DAB1: variants seen among roughly 807,000 people sequenced by gnomAD.
DAB1 encodes DAB adaptor protein 1, also known as disabled homolog 1.
In DAB1, 15 loss-of-function variants were observed where a neutral mutation model predicts 64.6. The observed-to-expected ratio is 0.23, with a 90% CI of 0.16 to 0.36. The LOEUF is 0.36. DAB1 is among the 10% of genes least tolerant of loss of function. DAB1 has a pLI of 1.00. For missense variants in DAB1, 596 were observed against 706.7 expected (o/e 0.84, Z 1.78); for synonymous variants, 235 against 251.9 (o/e 0.93, Z 0.64).
chr1:57,657,352 C>T (rs1413272809), intron 6 of DAB1, among the ~76,000 whole-genome samples: 1 of 152,206 alleles, frequency 6.6e-6, no homozygotes, highest in Non-Finnish European at 1.5e-5. Context: ...TACATTCAAT[C>T]ATAGCAAAGG....
At chr1:58,324,255 GT>G (rs2100488733) in intron 4 of DAB1, among the ~76,000 whole-genome samples, 1 of 152,294 alleles carries the variant, frequency 6.6e-6, no homozygotes, top group East Asian at 1.9e-4. Context: ...TAGAGATACA[GT>G]AGATGTTCAG....
rs1321341413 is a variant in DAB1 at position 57,897,660 on chromosome 1, A to G, written n.388-13498T>C. Among the ~76,000 whole-genome samples, 7 of 152,158 alleles carry G rather than the reference A, an allele frequency of 4.6e-5. No homozygotes were observed. In the East Asian group the frequency reaches 1.4e-3, roughly 29 times the overall value. On this transcript the variant is annotated intron_variant and non_coding_transcript_variant, in intron 5 of 20. Transcript: ENST00000485760. ...CCAATATTTTTGAAGGGATAGGAAA[A>G]TGGCAAGGAAACGCAGCTTGGGATG... is the stretch of plus-strand genomic sequence containing the variant.
At chr1:57,802,155 A>T (rs1227145328) in intron 6 of DAB1, among the ~76,000 whole-genome samples, 6 of 152,214 alleles carry the variant, frequency 3.9e-5, no homozygotes, top group Non-Finnish European at 8.8e-5. Context: ...GGTCACACCC[A>T]TTCCTAAGAA....
intron 6 of DAB1, among the ~76,000 whole-genome samples, chr1:57,693,280 G>A (rs937638705): frequency 1.3e-5 from 2 of 152,112 alleles, no homozygotes; most frequent in Non-Finnish European, 2.9e-5. Context: ...GTTTAGAGGG[G>A]GGATTAAGAG....
intron 6 of DAB1, among the ~76,000 whole-genome samples, chr1:57,667,152 G>A (rs1290004073): frequency 3.9e-5 from 6 of 152,194 alleles, no homozygotes; most frequent in African/African-American, 1.4e-4. Flanking sequence ...AATTCTTCCA[G>A]ATAGTGTGTG....
At chr1:57,140,938 T>C (rs142565864) in intron 3 of DAB1, among the ~76,000 whole-genome samples, 1 of 152,258 alleles carries the variant, frequency 6.6e-6, no homozygotes, top group Non-Finnish European at 1.5e-5. Flanking sequence ...ATGTATGATG[T>C]ACATGAAAGG....
At chr1:57,001,927 G>A (rs1294628537) in intron 14 of DAB1, among the ~76,000 whole-genome samples, 1 of 152,110 alleles carries the variant, frequency 6.6e-6, no homozygotes, top group Non-Finnish European at 1.5e-5. Flanking sequence ...GCATCTCCTA[G>A]CATGTTCTAC....
At chr1:58,096,873 C>T (rs1255550162) in intron 5 of DAB1, among the ~76,000 whole-genome samples, 1 of 152,216 alleles carries the variant, frequency 6.6e-6, no homozygotes, top group Non-Finnish European at 1.5e-5. Flanking sequence ...GGCTGACTGG[C>T]CAGCCTTCTC....
At chr1:58,349,026 C>A (rs1279867605) in intron 3 of DAB1, among the ~76,000 whole-genome samples, 1 of 151,970 alleles carries the variant, frequency 6.6e-6, no homozygotes, top group Non-Finnish European at 1.5e-5. Flanking sequence ...CTCCCTGCCT[C>A]CGCCTGCTGT....
intron 1 of DAB1, among the ~76,000 whole-genome samples, chr1:57,870,644 A>G (rs1246967832): frequency 6.6e-6 from 1 of 152,132 alleles, no homozygotes; most frequent in East Asian, 1.9e-4. Context: ...GAGCAAAATA[A>G]CTGAGCATGA....
chr1:57,595,771 T>C (rs1240407020), intron 7 of DAB1, among the ~76,000 whole-genome samples: 1 of 152,110 alleles, frequency 6.6e-6, no homozygotes, highest in Non-Finnish European at 1.5e-5. Context: ...GAGTGAGTTA[T>C]CATGACATCA....
At chr1:57,590,494 G>T (rs1452383088) in intron 7 of DAB1, among the ~76,000 whole-genome samples, 1 of 151,342 alleles carries the variant, frequency 6.6e-6, no homozygotes, top group Non-Finnish European at 1.5e-5. Context: ...TAATTTTTTT[G>T]TTTGTTTTTT....
At chr1:57,571,070 C>T (rs955538014) in intron 7 of DAB1, among the ~76,000 whole-genome samples, 24 of 152,186 alleles carry the variant, frequency 1.6e-4, no homozygotes, top group African/African-American at 4.1e-4. Flanking sequence ...TGAAACATTG[C>T]TGAATTCATT....
intron 7 of DAB1, among the ~76,000 whole-genome samples, chr1:57,613,030 C>T (rs1173693237): frequency 6.6e-6 from 1 of 152,094 alleles, no homozygotes; most frequent in East Asian, 1.9e-4. Flanking sequence ...GCAGTCAACA[C>T]AACTCAGGTG....
chr1:58,283,202 G>T (rs1273312942), intron 4 of DAB1, among the ~76,000 whole-genome samples: 1 of 148,802 alleles, frequency 6.7e-6, no homozygotes, highest in East Asian at 2.0e-4. Context: ...CCATCCATCT[G>T]TCAGTGCGCA....
intron 4 of DAB1, among the ~76,000 whole-genome samples, chr1:58,201,355 G>A (rs1173900604): frequency 1.3e-5 from 2 of 152,108 alleles, no homozygotes; most frequent in Non-Finnish European, 2.9e-5. Flanking sequence ...AATTCCACTT[G>A]ACAAGTGCCC....
At position 57,537,323 on chromosome 1, in the gene DAB1, A is replaced by C. The variant is rs1644742122; in HGVS notation, n.625+112269T>G. Among the ~76,000 whole-genome samples the C allele has an allele frequency of 2.0e-5, 3 of 152,200 alleles. No individual in the cohort carries two copies. The South Asian group carries it at 6.2e-4, about 32-fold the overall frequency. ...AGGTCTCCATTCTCTGGAAATTCTG[A>C]ATTATTAGGTTCTTATGAGGCTTCA... On this transcript the variant is annotated intron_variant and non_coding_transcript_variant, in intron 7 of 20. Coordinates refer to the DAB1 transcript ENST00000485760.
chr1:57,289,108 T>A (rs988768276), intron 2 of DAB1, among the ~76,000 whole-genome samples: 1 of 152,166 alleles, frequency 6.6e-6, no homozygotes, highest in Non-Finnish European at 1.5e-5. Flanking sequence ...TTTCAGAGTT[T>A]TTTTAGGACA....
rs11808384 is a variant in DAB1 at position 58,528,614 on chromosome 1, T to C, written n.33-1279A>G. Among the ~76,000 whole-genome samples the C allele has an allele frequency of 1.1e-3, 163 of 152,286 alleles. 2 individuals are homozygous for C. In the East Asian group the frequency reaches 0.025, roughly 23 times the overall value. On this transcript the variant is annotated intron_variant and non_coding_transcript_variant, in intron 1 of 20. Transcript: ENST00000485760. ...GGGTCAGAAATGCTACTAAACATCC[T>C]ACAGTGCACAGGACAACTCCCCCAC...
Sources: allele counts gnomAD v4.1 joint callset (sites outside exome capture counted in the v4.1 genomes callset), GRCh38; gene constraint gnomAD v4.1.1; transcripts MANE v1.5; gene names NCBI Gene and HGNC (gene_info 2026-07-23, HGNC 2026-07-21).